The following TET2 variants were observed in gnomAD, a reference collection of about 807,000 sequenced individuals.
TET2 encodes the protein methylcytosine dioxygenase TET2.
In TET2, 299 loss-of-function variants were observed where a neutral mutation model predicts 142.9. The ratio of observed to expected loss-of-function variants is 2.09; its 90% CI spans 1.90 to 2.30. TET2 has a LOEUF of 2.30. Ranked by LOEUF, TET2 falls within the 30% of genes most tolerant of loss-of-function variation. TET2 has a pLI of 0.00. For synonymous variants in TET2, 819 were observed against 849.0 expected (o/e 0.96, Z 0.61); for missense variants, 2,418 against 2,378.0 (o/e 1.02, Z -0.35).
rs1184799439 is a variant in TET2, at chr4:105,243,781, A to C, written c.3803+3A>C. The C allele has an allele frequency of 1.3e-6, 2 of 1,551,130 alleles. No individual in the cohort carries two copies. Among genetic ancestry groups the C allele is most frequent in the Non-Finnish European group, 8.7e-7 (1 of 1,146,682 alleles). The stretch of plus-strand genomic sequence containing the variant: ...CGCCGGTGTGCCTTGAATGAAGAGT[A>C]AGTGAAGCCCAGGGCCTCTCCCCTC... On this transcript the variant is annotated splice_donor_region_variant and intron_variant, in intron 6 of 10. Transcript: ENST00000380013.
chr4:105,241,707 A>G (rs1300091035), intron 4 of TET2: 20 of 1,278,486 alleles, frequency 1.6e-5, no homozygotes, highest in Non-Finnish European at 1.8e-5. Context: ...CCAGGCTGCC[A>G]GCCACAAGGT....
Position 105,277,075 on chromosome 4 carries a change from T to G in TET2, c.*556T>G. 4.3e-6 allele frequency: 1 copy of G among 232,304 alleles called. No homozygotes were observed. Among genetic ancestry groups the G allele is most frequent in the Non-Finnish European group, 8.5e-6 (1 of 117,542 alleles). The allele number at this position is 232,304 out of a possible 1,614,324, so 14.4% of individuals were successfully genotyped here. ...TCAAAATAGCTACAGGAAACATGAA[T>G]AGCAGGAAAACACTGAATTTGTTTG... On this transcript the variant is annotated 3_prime_UTR_variant, in exon 11 of 11. Coordinates refer to ENST00000380013, the MANE Select transcript of TET2 (RefSeq NM_001127208.3).
At chr4:105,211,619 A>T (rs929184550) in intron 2 of TET2, among the ~76,000 whole-genome samples, 1 of 152,180 alleles carries the variant, frequency 6.6e-6, no homozygotes, top group Admixed American at 6.6e-5. Context: ...ATGAAAGGAT[A>T]GTTCAGAAGA....
chr4:105,213,904 G>T lies in TET2; in HGVS notation c.-46-19993G>T, dbSNP rs907874873. Among the ~76,000 whole-genome samples the T allele has an allele frequency of 2.4e-4, 36 of 152,098 alleles. 1 individual carries two copies. On this transcript the variant is annotated intron_variant, in intron 2 of 10. Coordinates refer to ENST00000380013, the MANE Select transcript of TET2 (RefSeq NM_001127208.3). ...AGGCAGAGTCTCCCTCTGTCGCCCA[G>T]GGTGGAGTACAGTGGTGCAATCTCT...
At position 105,242,369 on chromosome 4, in the gene TET2, A is replaced by G. The variant is rs1428424455; in HGVS notation, c.3501-465A>G. ...TTTCTAGGACTATTCCATATTTTCC[A>G]TGTGGCTGGATACTAACTATTTGCC... On this transcript the variant is annotated intron_variant, in intron 4 of 10. Transcript: ENST00000380013. 21 of 1,079,102 alleles carry G rather than the reference A, an allele frequency of 1.9e-5. No homozygotes were observed. In the East Asian group the frequency reaches 2.6e-4, roughly 13 times the overall value. The allele number at this position is 1,079,102 out of a possible 1,614,324, so 66.8% of individuals were successfully genotyped here. A position where few individuals can be genotyped will look rare whatever the true frequency, so the allele number is the denominator to read the frequency against.
At chr4:105,272,034 C>T (rs1015025516) in intron 9 of TET2, among the ~76,000 whole-genome samples, 7 of 152,088 alleles carry the variant, frequency 4.6e-5, no homozygotes, top group African/African-American at 1.7e-4. Context: ...ATTTTTACTT[C>T]AGTTATCTTA....
chr4:105,276,845 C>CCCCCCCTCCA lies in TET2; in HGVS notation c.*330_*331insCCTCCACCCC. ...GATGATATGTAAATGTGATCCCCCCCCCCCGCTTACAACTCTACACATCTG... is the reference window on the plus strand; with the variant it reads ...GATGATATGTAAATGTGATCCCCCCCCCCCCCTCCACCCCGCTTACAACTCTACACATCTG... On this transcript the variant is annotated 3_prime_UTR_variant, in exon 11 of 11. Coordinates refer to ENST00000380013, the MANE Select transcript of TET2 (RefSeq NM_001127208.3). 4.7e-6 allele frequency: 1 copy of CCCCCCCTCCA among 213,034 alleles called. No individual in the cohort carries two copies. Among genetic ancestry groups the CCCCCCCTCCA allele is most frequent in the Non-Finnish European group, 9.3e-6 (1 of 107,742 alleles). The allele number at this position is 213,034 out of a possible 1,614,324, so 13.2% of individuals were successfully genotyped here. A position where few individuals can be genotyped will look rare whatever the true frequency, so the allele number is the denominator to read the frequency against.
At chr4:105,238,813 G>T (rs1343912031) in intron 3 of TET2, 2 of 238,902 alleles carry the variant, frequency 8.4e-6, no homozygotes, top group African/African-American at 4.5e-5. Flanking sequence ...CTTCTAAATG[G>T]TGATACCTTT....
At chr4:105,218,588 C>A (rs1727632361) in intron 2 of TET2, among the ~76,000 whole-genome samples, 1 of 151,924 alleles carries the variant, frequency 6.6e-6, no homozygotes, top group African/African-American at 2.4e-5. Flanking sequence ...CACAAGATGA[C>A]CTTAGATGTA....
intron 2 of TET2, among the ~76,000 whole-genome samples, chr4:105,208,654 C>A (rs1726966920): frequency 6.6e-6 from 1 of 152,064 alleles, no homozygotes; most frequent in Admixed American, 6.6e-5. Context: ...TACTTACTAG[C>A]TTATAGCATG....
At chr4:105,207,794 A>G (rs1259726316) in intron 2 of TET2, among the ~76,000 whole-genome samples, 1 of 152,160 alleles carries the variant, frequency 6.6e-6, no homozygotes, top group Non-Finnish European at 1.5e-5. Context: ...TATGTCCTAC[A>G]GACGATAAGA....
chr4:105,219,158 G>A (rs886736522), intron 2 of TET2, among the ~76,000 whole-genome samples: 1 of 152,070 alleles, frequency 6.6e-6, no homozygotes, highest in Admixed American at 6.6e-5. Context: ...GATAGCTCAT[G>A]GATGTGCAGT....
Position 105,236,967 on chromosome 4 carries a change from C to A in TET2, c.3025C>A (p.Gln1009Lys). 1 of 1,614,066 alleles carries A rather than the reference C, an allele frequency of 6.2e-7. No individual in the cohort carries two copies. The highest frequency in any genetic ancestry group is 8.5e-7 in the Non-Finnish European group (1 of 1,180,020). Reference protein sequence around the residue: ...ENKTWKKVTKQENPPASCDNV... With the variant: ...ENKTWKKVTKKENPPASCDNV... The stretch of plus-strand genomic sequence containing the variant: ...CAAAACATGGAAAAAGGTAACTAAG[C>A]AAGAGAATCCACCTGCAAGCTGTGA... The change falls in exon 3 of 11, where the codon CAA (glutamine) becomes AAA (lysine). Residue 1009 changes from glutamine (Q) to lysine (K), a missense_variant. By Grantham distance (53) the Gln-to-Lys change is moderately conservative (BLOSUM62 1). Transcript: ENST00000380013.
At chr4:105,155,348 C>T (rs1157715872) in intron 1 of TET2, among the ~76,000 whole-genome samples, 1 of 152,216 alleles carries the variant, frequency 6.6e-6, no homozygotes. Context: ...TGCTTTGCAG[C>T]AGTCTTCATA....
intron 1 of TET2, among the ~76,000 whole-genome samples, chr4:105,150,012 A>G (rs1030671783): frequency 6.6e-6 from 1 of 152,350 alleles, no homozygotes. Flanking sequence ...TTCCCTATCA[A>G]TTCTTCTAAG....
chr4:105,245,596 C>A (rs1729547746), intron 6 of TET2, among the ~76,000 whole-genome samples: 1 of 152,168 alleles, frequency 6.6e-6, no homozygotes, highest in African/African-American at 2.4e-5. Flanking sequence ...TCCCAGAGTG[C>A]TGGGATTACA....
At chr4:105,221,709 A>C (rs6826102) in intron 2 of TET2, among the ~76,000 whole-genome samples, 13,452 of 150,814 alleles carry the variant, frequency 0.089, 1,727 homozygotes, top group African/African-American at 0.28. Flanking sequence ...CTTTTTTTTT[A>C]TTTTTTATTT....
chr4:105,216,287 G>T (rs1234734492), intron 2 of TET2, among the ~76,000 whole-genome samples: 2 of 152,046 alleles, frequency 1.3e-5, no homozygotes, highest in Admixed American at 6.6e-5. Context: ...AAACAGGTCG[G>T]GGGGAGGAGA....
In TET2 at chr4:105,275,895, T is replaced by C. The variant is rs1161006998; in HGVS notation, c.5385T>C (p.Asn1795=). The C allele has an allele frequency of 1.3e-6, 2 of 1,552,074 alleles. No individual in the cohort carries two copies. The highest frequency in any genetic ancestry group is 1.7e-6 in the Non-Finnish European group (2 of 1,147,038). ...ATGACATGCTTTCCCACACAGCTAA[T>C]GGGTTATCAAAGATGCTTCCAGCTC... The part of the protein sequence containing the change: ...KENDMLSHTA[N]GLSKMLPALN... Residue 1795 remains asparagine, a synonymous_variant, in exon 11 of 11, where the codon AAT becomes AAC. Transcript: ENST00000380013.
Sources: gnomAD v4.1 joint callset for allele counts (sites outside exome capture counted in the v4.1 genomes callset) on GRCh38, gnomAD v4.1.1 for gene constraint, MANE v1.5 for transcripts, NCBI Gene and HGNC (gene_info 2026-07-23, HGNC 2026-07-21) for gene names.